MYPN: variants seen among roughly 807,000 people sequenced by gnomAD.
The protein encoded by MYPN is myopalladin.
A neutral mutation model predicts 129.4 loss-of-function variants in MYPN; 63 were observed. That is an observed-to-expected ratio of 0.49 (90% CI 0.40 to 0.60). The LOEUF (loss-of-function observed/expected upper bound fraction) is 0.60. Ranked by LOEUF, MYPN falls within the 20% of genes least tolerant of loss-of-function variation. MYPN has a pLI of 0.00. For synonymous variants in MYPN, 629 were observed against 600.9 expected (o/e 1.05, Z -0.68); for missense variants, 1,596 against 1,635.4 (o/e 0.98, Z 0.42).
intron 17 of MYPN, among the ~76,000 whole-genome samples, chr10:68,200,126 C>T (rs768423311): frequency 2.0e-5 from 3 of 152,122 alleles, no homozygotes; most frequent in Non-Finnish European, 4.4e-5. Flanking sequence ...ATTCATAGAG[C>T]AGGTAGGGCC....
chr10:68,126,715 G>A (rs757834454), intron 2 of MYPN, among the ~76,000 whole-genome samples: 7 of 152,158 alleles, frequency 4.6e-5, no homozygotes, highest in Non-Finnish European at 8.8e-5. Flanking sequence ...GAAAGATGGG[G>A]TCTCCAGCAT....
chr10:68,140,945 G>T (rs1387687715), intron 2 of MYPN, among the ~76,000 whole-genome samples: 1 of 152,164 alleles, frequency 6.6e-6, no homozygotes, highest in Non-Finnish European at 1.5e-5. Flanking sequence ...GGCAGCACGT[G>T]CCTGTGGCCC....
chr10:68,211,071 A>G lies in MYPN; in HGVS notation c.*616A>G, dbSNP rs1050441220. The G allele has an allele frequency of 1.5e-5, 7 of 454,018 alleles. No individual in the cohort carries two copies. The highest frequency in any genetic ancestry group is 3.1e-5 in the Non-Finnish European group (7 of 226,802). 28.1% of individuals were successfully genotyped at this position (454,018 alleles called of 1,614,324 possible). A position where few individuals can be genotyped will look rare whatever the true frequency, so the allele number is the denominator to read the frequency against. ...GGTGTCAAAATGTGCTTGAGATTCC[A>G]AAAACTTGCTGAAACACTTGATATT... is the stretch of plus-strand genomic sequence containing the variant. On this transcript the variant is annotated 3_prime_UTR_variant, in exon 20 of 20. Coordinates refer to ENST00000358913, the MANE Select transcript of MYPN (RefSeq NM_032578.4).
intron 15 of MYPN, among the ~76,000 whole-genome samples, chr10:68,196,148 C>A (rs749905679): frequency 2.6e-5 from 4 of 152,162 alleles, no homozygotes; most frequent in Admixed American, 6.5e-5. Context: ...ATCAGTAGCA[C>A]CTGCACACAT....
chr10:68,106,703 C>T (rs1363197003), upstream of MYPN: 2 of 716,560 alleles, frequency 2.8e-6, no homozygotes, highest in African/African-American at 3.5e-5. Context: ...TTATATGAAT[C>T]TACTAGCATG....
chr10:68,202,432 C>CA (rs1439932369), intron 18 of MYPN, among the ~76,000 whole-genome samples: 6 of 145,184 alleles, frequency 4.1e-5, no homozygotes, highest in African/African-American at 7.7e-5. Flanking sequence ...GACTCCGTCT[C>CA]AAAAAAAAGA....
intron 4 of MYPN, among the ~76,000 whole-genome samples, chr10:68,145,745 C>T (rs560838796): frequency 3.9e-5 from 6 of 152,304 alleles, no homozygotes; most frequent in Non-Finnish European, 5.9e-5. Flanking sequence ...TGAATCTTTC[C>T]AATTTACTCC....
intron 13 of MYPN, among the ~76,000 whole-genome samples, chr10:68,189,485 A>C (rs991036811): frequency 6.6e-6 from 1 of 152,112 alleles, no homozygotes; most frequent in African/African-American, 2.4e-5. Flanking sequence ...GTGTGTTTTT[A>C]CCCATTAACC....
chr10:68,134,557 G>A (rs1336487639), intron 2 of MYPN, among the ~76,000 whole-genome samples: 2 of 152,202 alleles, frequency 1.3e-5, no homozygotes, highest in Non-Finnish European at 2.9e-5. Context: ...AGCACTTTGG[G>A]AGGCTGAGGC....
intron 8 of MYPN, among the ~76,000 whole-genome samples, chr10:68,163,422 C>T (rs542512067): frequency 2.4e-3 from 360 of 151,916 alleles, no homozygotes; most frequent in Non-Finnish European, 4.0e-3. Flanking sequence ...GTCAGGAGAT[C>T]GAGACCATCC....
intron 15 of MYPN, among the ~76,000 whole-genome samples, chr10:68,196,193 A>G (rs1400064741): frequency 2.0e-5 from 3 of 152,374 alleles, no homozygotes; most frequent in Non-Finnish European, 4.4e-5. Context: ...GTAAGTTACC[A>G]TCTTTTGTTT....
intron 1 of MYPN, among the ~76,000 whole-genome samples, chr10:68,111,287 G>T (rs566223235): frequency 6.6e-6 from 1 of 152,286 alleles, no homozygotes; most frequent in East Asian, 1.9e-4. Context: ...GAAAAAGTGA[G>T]AGTTCAATTT....
At chr10:68,125,998 T>C (rs1564649886) in intron 2 of MYPN, among the ~76,000 whole-genome samples, 1 of 152,086 alleles carries the variant, frequency 6.6e-6, no homozygotes, top group Non-Finnish European at 1.5e-5. Context: ...GAGGCAGTGG[T>C]GGCTTAAAAG....
chr10:68,199,267 T>G (rs2043666572), intron 16 of MYPN, 101 bp from the exon 17 acceptor site: 1 of 1,157,232 alleles, frequency 8.6e-7, no homozygotes, highest in Non-Finnish European at 1.3e-6. Flanking sequence ...CCATGTTTTC[T>G]CTCACTGTCT....
At chr10:68,191,587 G>A (rs376962875) in intron 13 of MYPN, among the ~76,000 whole-genome samples, 5 of 152,088 alleles carry the variant, frequency 3.3e-5, no homozygotes, top group African/African-American at 7.2e-5. Flanking sequence ...TGTATATCAC[G>A]TTGAGCAGTA....
At chr10:68,095,312 T>G (rs541325004) in intron 1 of MYPN, among the ~76,000 whole-genome samples, 1 of 148,822 alleles carries the variant, frequency 6.7e-6, no homozygotes, top group African/African-American at 2.5e-5. Flanking sequence ...ATCACTCTAT[T>G]ACACTCCAGC....
At chr10:68,193,783 A>T (rs895989596) in intron 13 of MYPN, among the ~76,000 whole-genome samples, 1 of 142,364 alleles carries the variant, frequency 7.0e-6, no homozygotes, top group Non-Finnish European at 1.5e-5. Context: ...AAATATATAG[A>T]TAGATGTGTA....
intron 8 of MYPN, 29 bp downstream of exon 8, chr10:68,161,781 A>G: frequency 6.5e-7 from 1 of 1,542,912 alleles, no homozygotes; most frequent in Non-Finnish European, 8.9e-7. Context: ...TTAATTTATT[A>G]GTATATGAGT....
Position 68,118,098 on chromosome 10 carries a change from T to G in MYPN, c.-1-3340T>G, listed in dbSNP as rs112330610. Among the ~76,000 whole-genome samples the G allele has an allele frequency of 3.7e-3, 569 of 152,270 alleles. 13 individuals are homozygous for G. The highest frequency in any genetic ancestry group is 0.013 in the African/African-American group (539 of 41,558). On this transcript the variant is annotated intron_variant, in intron 1 of 19. Coordinates refer to ENST00000358913, the MANE Select transcript of MYPN (RefSeq NM_032578.4). ...AAAGTTTTGTTGTAATAATTTATCA[T>G]AACCATAAACATAAGAACAGGTACA...
Sources: allele counts gnomAD v4.1 joint callset (sites outside exome capture counted in the v4.1 genomes callset), GRCh38; gene constraint gnomAD v4.1.1; transcripts MANE v1.5; gene names NCBI Gene and HGNC (gene_info 2026-07-23, HGNC 2026-07-21).